USP42: variants seen among roughly 807,000 people sequenced by gnomAD.
USP42 encodes the protein ubiquitin carboxyl-terminal hydrolase 42.
Under a neutral mutation model 113.0 loss-of-function variants are expected in USP42, and 23 were observed. That is an observed-to-expected ratio of 0.20 (90% confidence interval 0.15 to 0.29). The LOEUF (loss-of-function observed/expected upper bound fraction) is 0.29, where lower values mean the gene tolerates loss of function less well. Among genes scored for constraint, USP42 ranks in the 10% least tolerant of loss-of-function variants. The pLI is 1.00. For missense variants in USP42, 2,174 were observed against 1,779.8 expected, an observed-to-expected ratio of 1.22 and a Z score of -3.99; for synonymous variants, 933 against 699.0, an observed-to-expected ratio of 1.33 and a Z score of -5.28.
At chr7:6,137,699 A>C (rs988177834) in intron 4 of USP42, among the ~76,000 whole-genome samples, 16 of 151,866 alleles carry the variant, frequency 1.1e-4, no homozygotes, top group Non-Finnish European at 2.4e-4. Flanking sequence ...TTTATTTTTG[A>C]GATGGAGTCT....
intron 3 of USP42, among the ~76,000 whole-genome samples, chr7:6,132,402 G>A (rs1317099885): frequency 6.6e-6 from 1 of 150,620 alleles, no homozygotes; most frequent in African/African-American, 2.4e-5. Context: ...CCGTGGCCCA[G>A]GCTGGAGTGC....
chr7:6,129,001 A>C (rs1780694340), intron 3 of USP42, among the ~76,000 whole-genome samples: 1 of 152,046 alleles, frequency 6.6e-6, no homozygotes, highest in Admixed American at 6.5e-5. Context: ...TTGTAGAGAC[A>C]GGGTTTCACC....
At chr7:6,132,629 G>C (rs1780912862) in intron 3 of USP42, among the ~76,000 whole-genome samples, 1 of 151,738 alleles carries the variant, frequency 6.6e-6, no homozygotes, top group Non-Finnish European at 1.5e-5. Context: ...AGAATGCTGG[G>C]ATTACAGGCA....
At chr7:6,120,785 T>C (rs1780184725) in intron 3 of USP42, among the ~76,000 whole-genome samples, 1 of 152,090 alleles carries the variant, frequency 6.6e-6, no homozygotes, top group South Asian at 2.1e-4. Context: ...GGTTTCACCC[T>C]GTTGGCCAAG....
chr7:6,107,766 C>G (rs1273623860), intron 1 of USP42, among the ~76,000 whole-genome samples: 1 of 151,968 alleles, frequency 6.6e-6, no homozygotes, highest in Non-Finnish European at 1.5e-5. Flanking sequence ...TTCATAATTT[C>G]TTTTAACTAT....
intron 3 of USP42, among the ~76,000 whole-genome samples, chr7:6,117,511 A>C (rs1476018729): frequency 6.6e-6 from 1 of 152,244 alleles, no homozygotes; most frequent in Non-Finnish European, 1.5e-5. Flanking sequence ...GAACATTAGC[A>C]AACAAGCCTT....
chr7:6,137,698 G>A (rs1781221782), intron 4 of USP42, among the ~76,000 whole-genome samples: 1 of 151,870 alleles, frequency 6.6e-6, no homozygotes, highest in Non-Finnish European at 1.5e-5. Flanking sequence ...ATTTATTTTT[G>A]AGATGGAGTC....
chr7:6,142,791 A>G, intron 7 of USP42, 141 bp from the exon 8 acceptor site: 1 of 682,194 alleles, frequency 1.5e-6, no homozygotes, highest in East Asian at 2.9e-5. Flanking sequence ...GGCTGAGGTG[A>G]GAGGATTGCT....
rs780762026 is a variant in USP42 at position 6,155,065 on chromosome 7, G to C, written c.3511G>C (p.Asp1171His). The C allele has an allele frequency of 5.1e-6, 8 of 1,563,384 alleles. No individual in the cohort carries two copies. Among genetic ancestry groups the C allele is most frequent in the Middle Eastern group, 1.7e-4 (1 of 6,034 alleles). The change falls in exon 15 of 18, where the codon GAC becomes CAC. Residue 1171 changes from aspartate to histidine, a missense_variant. Transcript: ENST00000306177. ...KRRHDSVENS[D>H]SHVEKKARRS... The stretch of plus-strand genomic sequence containing the variant: ...GAGACACGACAGTGTGGAGAACAGT[G>C]ACAGTCATGTTGAAAAGAAAGCCCG...
At chr7:6,107,759 A>C (rs1464867560) in intron 1 of USP42, among the ~76,000 whole-genome samples, 1 of 151,806 alleles carries the variant, frequency 6.6e-6, no homozygotes, top group East Asian at 1.9e-4. Flanking sequence ...ACACTGTTTC[A>C]TAATTTCTTT....
At chr7:6,083,517 A>G in the USP42 span, among the ~76,000 whole-genome samples, 2 of 150,416 alleles carry the variant, frequency 1.3e-5, no homozygotes, top group Non-Finnish European at 2.9e-5. Context: ...CGGCCTCCCA[A>G]AGTGCTGGGA....
chr7:6,153,876 G>A lies in USP42; in HGVS notation c.2322G>A (p.Lys774=). The A allele has an allele frequency of 1.3e-6, 2 of 1,562,424 alleles. No individual in the cohort carries two copies. Among genetic ancestry groups the A allele is most frequent in the Non-Finnish European group, 1.7e-6 (2 of 1,155,342 alleles). Residue 774 remains lysine (K), a synonymous_variant, in exon 15 of 18, where the codon AAG becomes AAA. Transcript: ENST00000306177. ...CCGCCGGCCTCAGCAGCACCAAGAA[G>A]GCTCCGCCGCCCCGCGATCCCGGCA... ...DAAAGLSSTK[K]APPPRDPGTP...
In USP42 at chr7:6,144,178, C is replaced by A; in HGVS notation, c.972C>A (p.Thr324=). The A allele has an allele frequency of 6.3e-7, 1 of 1,590,630 alleles. No individual in the cohort carries two copies. Among genetic ancestry groups the A allele is most frequent in the African/African-American group, 1.4e-5 (1 of 73,560 alleles). ...TLSLKRFANF[T]GGKIAKDVKY... is the part of the protein sequence containing the mutation. ...CTCTGAAACGTTTTGCAAATTTTAC[C>A]GGTGGAAAAATTGCTAAGGTATGTG... is the stretch of plus-strand genomic sequence containing the variant. The change falls in exon 9 of 18, where the codon ACC becomes ACA. Residue 324 remains threonine (T), a synonymous_variant. Coordinates refer to ENST00000306177, the MANE Select transcript of USP42 (RefSeq NM_032172.3).
At chr7:6,093,108 G>A in the USP42 span, 4 of 149,988 alleles carry the variant, frequency 2.7e-5, 1 homozygote. Context: ...CTGAGTAAAC[G>A]GAAGGTACTC....
intron 9 of USP42, among the ~76,000 whole-genome samples, chr7:6,145,107 G>C (rs1472853718): frequency 3.3e-5 from 5 of 152,226 alleles, no homozygotes; most frequent in Non-Finnish European, 4.4e-5. Flanking sequence ...GCCAAGCTGG[G>C]TGGATCACGA....
At chr7:6,140,882 T>G in intron 6 of USP42, 32 bp from the exon 7 acceptor site, 2 of 1,230,966 alleles carry the variant, frequency 1.6e-6, no homozygotes, top group Non-Finnish European at 2.3e-6. Flanking sequence ...GATTATACTT[T>G]GCTCATCTTT....
chr7:6,119,051 C>CAA (rs775382885), intron 3 of USP42, among the ~76,000 whole-genome samples: 8 of 131,614 alleles, frequency 6.1e-5, no homozygotes, highest in Non-Finnish European at 1.3e-4. Flanking sequence ...CCTGTCTCTC[C>CAA]AAAAAAAAAA....
At chr7:6,116,567 G>C in intron 3 of USP42, 1 of 306,614 alleles carries the variant, frequency 3.3e-6, no homozygotes, top group South Asian at 2.8e-5. Flanking sequence ...AAAAATCCTT[G>C]GTTTCTTTTT....
At chr7:6,140,878 A>T in intron 6 of USP42, 36 bp from the exon 7 acceptor site, 1 of 1,189,286 alleles carries the variant, frequency 8.4e-7, no homozygotes. Context: ...TAATGATTAT[A>T]CTTTGCTCAT....
Sources: allele counts gnomAD v4.1 joint callset (sites outside exome capture counted in the v4.1 genomes callset), GRCh38; gene constraint gnomAD v4.1.1; transcripts MANE v1.5; gene names NCBI Gene and HGNC (gene_info 2026-07-23, HGNC 2026-07-21).